CD47: variants seen among roughly 807,000 people sequenced by gnomAD.
The protein encoded by CD47 is CD47 molecule, also known as leukocyte surface antigen CD47.
A neutral mutation model predicts 44.6 loss-of-function variants in CD47; 11 were observed. That is an observed-to-expected ratio of 0.25 (90% CI 0.16 to 0.41). The LOEUF (loss-of-function observed/expected upper bound fraction) is 0.41. Ranked by LOEUF, CD47 falls within the 10% of genes least tolerant of loss-of-function variation. The probability of loss-of-function intolerance (pLI) is 1.00; values close to 1 mark genes in which losing one functional copy is unlikely to be tolerated. For synonymous variants in CD47, 140 were observed against 136.3 expected (o/e 1.03, Z -0.19); for missense variants, 306 against 386.7 (o/e 0.79, Z 1.75).
chr3:108,090,766 C>A, intron 1 of CD47, 97 bp downstream of exon 1: 1 of 1,176,670 alleles, frequency 8.5e-7, no homozygotes, highest in Non-Finnish European at 1.1e-6. Flanking sequence ...CCCGGCCACC[C>A]TCTTCAGGGC....
chr3:108,061,520 A>G (rs1278914317), intron 3 of CD47, among the ~76,000 whole-genome samples: 1 of 152,204 alleles, frequency 6.6e-6, no homozygotes, highest in Admixed American at 6.5e-5. Context: ...AAATTGTTCA[A>G]TTAAAATATT....
At chr3:108,082,391 AT>A (rs2079436422) in intron 1 of CD47, among the ~76,000 whole-genome samples, 1 of 152,038 alleles carries the variant, frequency 6.6e-6, no homozygotes, top group Non-Finnish European at 1.5e-5. Flanking sequence ...AAAAGACTAC[AT>A]TTTACTGCCC....
chr3:108,088,979 A>G (rs2108277705), intron 1 of CD47, among the ~76,000 whole-genome samples: 1 of 152,328 alleles, frequency 6.6e-6, no homozygotes, highest in Admixed American at 6.5e-5. Flanking sequence ...GCAAAATCAA[A>G]CTTCAATACA....
rs554406427 is a variant in CD47, at chr3:108,067,619, A to G, written c.490+3474T>C. ...ACACAAACAAAGCGTCTGAAATTCA[A>G]TACTATCAGTTAAGCCTTGGTGTTT... On this transcript the variant is annotated intron_variant, in intron 3 of 10. Coordinates refer to ENST00000361309, the MANE Select transcript of CD47 (RefSeq NM_001777.4). Among the ~76,000 whole-genome samples, 196 of 152,380 alleles carry G rather than the reference A, an allele frequency of 1.3e-3. 2 individuals are homozygous for G. The highest frequency in any genetic ancestry group is 7.7e-3 in the South Asian group (37 of 4,826).
At chr3:108,090,782 C>T (rs2079619675) in intron 1 of CD47, 81 bp downstream of exon 1, 1 of 1,293,294 alleles carries the variant, frequency 7.7e-7, no homozygotes, top group Non-Finnish European at 1.0e-6. Context: ...AGGGCGCCGC[C>T]GGGCTGGCTG....
intron 7 of CD47, among the ~76,000 whole-genome samples, chr3:108,055,104 A>C (rs1468450184): frequency 6.6e-6 from 1 of 152,176 alleles, no homozygotes; most frequent in African/African-American, 2.4e-5. Flanking sequence ...TAAAAAGTTA[A>C]AAAATAGAAA....
Position 108,057,534 on chromosome 3 carries a change from C to T in CD47, c.820G>A (p.Gly274Ser), listed in dbSNP as rs1190002247. The change falls in exon 7 of 11, where the codon GGT becomes AGT. Residue 274 changes from glycine to serine, a missense_variant. Physicochemically the swap from Gly to Ser is moderately conservative, Grantham distance 56. Around this residue, in one of 5 missense-constraint regions of CD47, gnomAD observed 131 missense variants for 135.3 expected, o/e 0.97. Transcript: ENST00000361309. ...IPMHGPLLIS[G>S]LSILALAQLL... ...TGTGCTAGAGCTAAGATACTCAAAC[C>T]TGAAATCAGAAGAGGGCCATGCATT... 3 of 1,585,072 alleles carry T rather than the reference C, an allele frequency of 1.9e-6. No individual in the cohort carries two copies. In the East Asian group the frequency reaches 6.7e-5, roughly 36 times the overall value.
intron 1 of CD47, among the ~76,000 whole-genome samples, chr3:108,089,315 C>T (rs2079582762): frequency 6.6e-6 from 1 of 152,050 alleles, no homozygotes; most frequent in East Asian, 1.9e-4. Context: ...TAAACGAGTG[C>T]TAATTACATG....
Position 108,080,349 on chromosome 3 carries a change from A to T in CD47, c.47-5T>A, listed in dbSNP as rs1329316459. On this transcript the variant is annotated splice_region_variant and splice_polypyrimidine_tract_variant and intron_variant, in intron 1 of 10. Transcript: ENST00000361309. ...TAAATAGTAGCTGAGCTGATCCTGG[A>T]AAGGAAAAAGAAAAATGTTTCATTA... 6.9e-7 allele frequency: 1 copy of T among 1,453,774 alleles called. No individual in the cohort carries two copies. The highest frequency in any genetic ancestry group is 9.5e-7 in the Non-Finnish European group (1 of 1,049,518). 90.1% of individuals were successfully genotyped at this position (1,453,774 alleles called of 1,614,324 possible).
chr3:108,057,627 A>G, intron 6 of CD47, 58 bp from the exon 7 acceptor site: 1 of 872,094 alleles, frequency 1.1e-6, no homozygotes, highest in Non-Finnish European at 1.9e-6. Flanking sequence ...TTACTAAAAA[A>G]CAGTAATAAT....
chr3:108,046,396 A>G lies in CD47; in HGVS notation c.*892T>C, dbSNP rs1029419130. ...CCTTCAAATCAGAGGAAGGGAATAC[A>G]TATGTTACAACCATAGCTATTTTTG... On this transcript the variant is annotated 3_prime_UTR_variant, in exon 11 of 11. Coordinates refer to ENST00000361309, the MANE Select transcript of CD47 (RefSeq NM_001777.4). 1 of 152,660 alleles carries G rather than the reference A, an allele frequency of 6.6e-6. No homozygotes were observed. The highest frequency in any genetic ancestry group is 2.4e-5 in the African/African-American group (1 of 41,452). The allele number at this position is 152,660 out of a possible 1,614,324, so 9.5% of individuals were successfully genotyped here. A position where few individuals can be genotyped will look rare whatever the true frequency, so the allele number is the denominator to read the frequency against.
intron 3 of CD47, among the ~76,000 whole-genome samples, chr3:108,065,732 A>C (rs2079092679): frequency 7.0e-6 from 1 of 143,326 alleles, no homozygotes; most frequent in African/African-American, 2.6e-5. Flanking sequence ...GAATCGCTTG[A>C]ACCTGGGAGG....
chr3:108,070,372 T>G (rs2079178654), intron 3 of CD47, among the ~76,000 whole-genome samples: 1 of 152,238 alleles, frequency 6.6e-6, no homozygotes, highest in Non-Finnish European at 1.5e-5. Context: ...CCTCAGAACT[T>G]CATTAATTTT....
chr3:108,062,507 G>C (rs970547894), intron 3 of CD47, among the ~76,000 whole-genome samples: 2 of 152,060 alleles, frequency 1.3e-5, no homozygotes, highest in Non-Finnish European at 2.9e-5. Flanking sequence ...ACATTCATAA[G>C]AAACTCTTCC....
chr3:108,088,588 GAAA>G (rs1363104195), intron 1 of CD47, among the ~76,000 whole-genome samples: 1 of 150,314 alleles, frequency 6.7e-6, no homozygotes, highest in African/African-American at 2.5e-5. Context: ...TTAGACGATG[GAAA>G]AAAATTTTAT....
intron 2 of CD47, among the ~76,000 whole-genome samples, chr3:108,074,994 C>G (rs1389365805): frequency 6.6e-6 from 1 of 152,172 alleles, no homozygotes; most frequent in Admixed American, 6.5e-5. Flanking sequence ...AACTCTTGTT[C>G]CTCAAGGGGA....
rs184331490 is a variant in CD47, at chr3:108,047,199, T to C, written c.*89A>G. 20 of 1,050,574 alleles carry C rather than the reference T, an allele frequency of 1.9e-5. No homozygotes were observed. In the African/African-American group the frequency reaches 2.7e-4, roughly 14 times the overall value. 65.1% of individuals were successfully genotyped at this position (1,050,574 alleles called of 1,614,324 possible). ...TTTTCTTGTTTCTTCTCCCCAACAG[T>C]GAATCATCAAGGCCATGGTGCTTAA... On this transcript the variant is annotated 3_prime_UTR_variant, in exon 11 of 11. Transcript: ENST00000361309.
At chr3:108,060,190 T>G (rs74723454) in intron 4 of CD47, among the ~76,000 whole-genome samples, 2,666 of 152,302 alleles carry the variant, frequency 0.018, 85 homozygotes, top group African/African-American at 0.061. Flanking sequence ...ATGATGGCCC[T>G]AAAATTATTT....
chr3:108,068,707 G>A (rs2079146490), intron 3 of CD47, among the ~76,000 whole-genome samples: 1 of 152,144 alleles, frequency 6.6e-6, no homozygotes, highest in African/African-American at 2.4e-5. Flanking sequence ...TATGCCCATA[G>A]AGTTTCTGGG....
Sources: allele counts gnomAD v4.1 joint callset (sites outside exome capture counted in the v4.1 genomes callset), GRCh38; gene constraint gnomAD v4.1.1; regional missense constraint gnomAD v4.1.1; transcripts MANE v1.5; gene names NCBI Gene and HGNC (gene_info 2026-07-23, HGNC 2026-07-21).